Variants in TRAPPC9 observed in about 807,000 individuals in gnomAD.
TRAPPC9 encodes IKK2 binding protein.
Under a neutral mutation model 124.0 loss-of-function variants are expected in TRAPPC9, and 83 were observed. That is an observed-to-expected ratio of 0.67 (90% CI 0.56 to 0.80). The LOEUF (loss-of-function observed/expected upper bound fraction) is 0.80. TRAPPC9 is among the 30% of genes least tolerant of loss of function. The pLI, the probability that TRAPPC9 is intolerant of heterozygous loss-of-function variation, is 0.00. For missense variants in TRAPPC9, 1,302 were observed against 1,508.3 expected, an observed-to-expected ratio of 0.86 and a Z score of 2.27; for synonymous variants, 638 against 617.5, an observed-to-expected ratio of 1.03 and a Z score of -0.49.
intron 19 of TRAPPC9, among the ~76,000 whole-genome samples, chr8:139,913,746 T>C (rs373274249): frequency 2.6e-4 from 40 of 152,280 alleles, no homozygotes; most frequent in African/African-American, 9.6e-4. Context: ...ATCGAGTGAC[T>C]CACCTAAGGT....
intron 7 of TRAPPC9, among the ~76,000 whole-genome samples, chr8:140,393,666 C>A (rs754242787): frequency 3.3e-5 from 5 of 152,160 alleles, no homozygotes; most frequent in Non-Finnish European, 1.5e-5. Context: ...AAGGAACCTG[C>A]AATAATCATA....
chr8:140,303,195 G>T (rs940762387), intron 10 of TRAPPC9, among the ~76,000 whole-genome samples: 3 of 152,048 alleles, frequency 2.0e-5, no homozygotes, highest in Non-Finnish European at 4.4e-5. Flanking sequence ...AGAGGATTTG[G>T]GTCTTTGTTC....
At position 140,443,627 on chromosome 8, in the gene TRAPPC9, G is replaced by A. The variant is rs563000409; in HGVS notation, c.585-4430C>T. On this transcript the variant is annotated intron_variant, in intron 2 of 22. Coordinates refer to ENST00000438773, the MANE Select transcript of TRAPPC9 (RefSeq NM_001160372.4). ...ACTTAAGATGCCAGAGCAGCTGGGC[G>A]CAGTGGCTCACACCTGAAATCTCAG... Among the ~76,000 whole-genome samples, 11 of 152,104 alleles carry A rather than the reference G, an allele frequency of 7.2e-5. No individual in the cohort carries two copies. In the East Asian group the frequency reaches 9.7e-4, roughly 13 times the overall value.
chr8:139,845,832 C>A (rs1385722573), intron 21 of TRAPPC9, among the ~76,000 whole-genome samples: 1 of 152,240 alleles, frequency 6.6e-6, no homozygotes, highest in African/African-American at 2.4e-5. Flanking sequence ...GCCAAGTAGA[C>A]CCTAACAGAC....
chr8:139,934,687 C>T (rs1444214569), intron 19 of TRAPPC9, among the ~76,000 whole-genome samples: 2 of 152,208 alleles, frequency 1.3e-5, no homozygotes, highest in Admixed American at 6.5e-5. Context: ...ACAGGAGGCC[C>T]CATCCCTGCA....
chr8:140,076,149 T>G (rs1156432730), intron 17 of TRAPPC9, among the ~76,000 whole-genome samples: 1 of 152,204 alleles, frequency 6.6e-6, no homozygotes, highest in African/African-American at 2.4e-5. Flanking sequence ...AAGCACTGTA[T>G]ATATACATAG....
At chr8:140,429,953 C>T (rs2070575006) in intron 4 of TRAPPC9, among the ~76,000 whole-genome samples, 1 of 152,064 alleles carries the variant, frequency 6.6e-6, no homozygotes, top group Non-Finnish European at 1.5e-5. Flanking sequence ...TCGAGACCAG[C>T]TTGGCCAACA....
At chr8:140,219,103 A>C (rs1460835697) in intron 17 of TRAPPC9, among the ~76,000 whole-genome samples, 1 of 152,242 alleles carries the variant, frequency 6.6e-6, no homozygotes, top group Non-Finnish European at 1.5e-5. Flanking sequence ...GAGCCAGTGA[A>C]TGAAAGAGCA....
intron 21 of TRAPPC9, among the ~76,000 whole-genome samples, chr8:139,771,005 T>C (rs1419073638): frequency 2.0e-5 from 3 of 152,162 alleles, no homozygotes; most frequent in Non-Finnish European, 4.4e-5. Context: ...GTAGAGGAAC[T>C]GGTCTAGAAA....
At chr8:139,813,899 T>TA (rs1554648543) in intron 21 of TRAPPC9, among the ~76,000 whole-genome samples, 5 of 151,898 alleles carry the variant, frequency 3.3e-5, no homozygotes, top group African/African-American at 1.2e-4. Flanking sequence ...GGTGACAGCG[T>TA]GGGGGCAGAG....
chr8:140,309,172 G>A (rs2066222779), intron 10 of TRAPPC9, among the ~76,000 whole-genome samples: 1 of 152,228 alleles, frequency 6.6e-6, no homozygotes, highest in South Asian at 2.1e-4. Context: ...TCAATGTACT[G>A]TTTGAAAACA....
chr8:140,045,247 C>T (rs1234239654), intron 17 of TRAPPC9, among the ~76,000 whole-genome samples: 5 of 152,306 alleles, frequency 3.3e-5, no homozygotes, highest in African/African-American at 1.2e-4. Context: ...CTTCAGCTTC[C>T]TTGCGTACAC....
intron 17 of TRAPPC9, among the ~76,000 whole-genome samples, chr8:140,121,698 G>A (rs1245234807): frequency 6.6e-6 from 1 of 152,148 alleles, no homozygotes; most frequent in Non-Finnish European, 1.5e-5. Flanking sequence ...TCAACTATAG[G>A]CCCTTTGATG....
chr8:140,458,567 C>T (rs1412778508), upstream of TRAPPC9: 12 of 1,569,658 alleles, frequency 7.6e-6, no homozygotes, highest in Non-Finnish European at 9.5e-6. Flanking sequence ...GGCACCATGG[C>T]ACTCCCGACT....
chr8:140,458,495 A>C (rs2071791315), upstream of TRAPPC9: 5 of 1,577,616 alleles, frequency 3.2e-6, no homozygotes, highest in South Asian at 4.6e-5. Flanking sequence ...GAGGCACGTG[A>C]GGTGCGAGCC....
chr8:139,769,681 G>C (rs1820819969), intron 21 of TRAPPC9, among the ~76,000 whole-genome samples: 1 of 152,182 alleles, frequency 6.6e-6, no homozygotes, highest in African/African-American at 2.4e-5. Flanking sequence ...ATAAAAATAA[G>C]ATTGAATAGT....
chr8:140,272,108 G>A (rs1212788864), intron 15 of TRAPPC9, among the ~76,000 whole-genome samples: 1 of 122,816 alleles, frequency 8.1e-6, no homozygotes, highest in Non-Finnish European at 1.8e-5. Flanking sequence ...GGTGATTGTG[G>A]TGGTGGCAAT....
intron 17 of TRAPPC9, among the ~76,000 whole-genome samples, chr8:140,051,333 G>C (rs1361539208): frequency 6.6e-6 from 1 of 152,220 alleles, no homozygotes; most frequent in East Asian, 1.9e-4. Flanking sequence ...TGAACCCCGG[G>C]GGTTCCTGTA....
At chr8:140,263,698 C>A (rs1016427314) in intron 15 of TRAPPC9, among the ~76,000 whole-genome samples, 2 of 152,184 alleles carry the variant, frequency 1.3e-5, no homozygotes, top group Non-Finnish European at 2.9e-5. Flanking sequence ...GTCACAGACA[C>A]AAGTAACTTG....
Sources: allele counts gnomAD v4.1 joint callset (sites outside exome capture counted in the v4.1 genomes callset), GRCh38; gene constraint gnomAD v4.1.1; transcripts MANE v1.5; gene names NCBI Gene and HGNC (gene_info 2026-07-23, HGNC 2026-07-21).